Variants in CSMD1 observed in about 807,000 individuals in gnomAD.
CSMD1 encodes CUB and sushi domain-containing protein 1.
In CSMD1, 213 loss-of-function variants were observed where a neutral mutation model predicts 417.5. That is an observed-to-expected ratio of 0.51 (90% CI 0.46 to 0.57). The LOEUF (loss-of-function observed/expected upper bound fraction) is 0.57, where lower values mean the gene tolerates loss of function less well. CSMD1 is among the 20% of genes least tolerant of loss of function. CSMD1 has a pLI of 0.00. For synonymous variants in CSMD1, 2,862 were observed against 1,736.8 expected, an observed-to-expected ratio of 1.65 and a Z score of -16.11; for missense variants, 6,923 against 4,529.7, an observed-to-expected ratio of 1.53 and a Z score of -15.17.
intron 10 of CSMD1, among the ~76,000 whole-genome samples, chr8:3,567,526 T>C (rs903023042): frequency 2.0e-5 from 1 of 48,944 alleles, no homozygotes; most frequent in Non-Finnish European, 3.9e-5. Flanking sequence ...GGGAAGGGGA[T>C]GGGGGAGGGG....
intron 12 of CSMD1, among the ~76,000 whole-genome samples, chr8:3,419,885 A>G (rs1813380177): frequency 6.6e-6 from 1 of 152,196 alleles, no homozygotes; most frequent in Non-Finnish European, 1.5e-5. Context: ...GACTCTTGGA[A>G]TAGATCCTGT....
intron 3 of CSMD1, among the ~76,000 whole-genome samples, chr8:4,413,538 C>T (rs1425462223): frequency 6.6e-6 from 1 of 152,110 alleles, no homozygotes; most frequent in African/African-American, 2.4e-5. Context: ...TGTTCATGTA[C>T]TGACAGCACT....
chr8:4,715,675 C>G (rs146254866), intron 1 of CSMD1, among the ~76,000 whole-genome samples: 18 of 152,278 alleles, frequency 1.2e-4, no homozygotes, highest in Admixed American at 1.2e-3. Flanking sequence ...TTAATTTTGG[C>G]AACTGTTCCC....
intron 5 of CSMD1, among the ~76,000 whole-genome samples, chr8:3,979,897 G>T (rs1450630960): frequency 2.6e-5 from 4 of 152,158 alleles, no homozygotes; most frequent in Non-Finnish European, 4.4e-5. Context: ...TTTGTAAACT[G>T]AAAGGCATAC....
intron 15 of CSMD1, among the ~76,000 whole-genome samples, chr8:3,399,994 A>G (rs1811939816): frequency 6.6e-6 from 1 of 152,218 alleles, no homozygotes; most frequent in South Asian, 2.1e-4. Context: ...TTATTAAAAT[A>G]AATAGCCACA....
At chr8:3,100,324 C>A (rs1815641249) in intron 46 of CSMD1, among the ~76,000 whole-genome samples, 1 of 152,178 alleles carries the variant, frequency 6.6e-6, no homozygotes, top group African/African-American at 2.4e-5. Flanking sequence ...CCATGCTCGG[C>A]CTAAGAAGCA....
At chr8:4,486,979 G>A (rs1377396662) in intron 2 of CSMD1, among the ~76,000 whole-genome samples, 4 of 152,134 alleles carry the variant, frequency 2.6e-5, no homozygotes, top group Non-Finnish European at 5.9e-5. Flanking sequence ...CACAGCTGAC[G>A]GCTACACACG....
chr8:4,839,911 G>A (rs1487168784), intron 1 of CSMD1, among the ~76,000 whole-genome samples: 6 of 152,096 alleles, frequency 3.9e-5, no homozygotes, highest in Admixed American at 1.3e-4. Flanking sequence ...CCTCCTGCGC[G>A]TCTCCTCAAT....
intron 43 of CSMD1, 78 bp from the exon 44 acceptor site, chr8:3,108,826 T>A: frequency 7.3e-7 from 1 of 1,370,612 alleles, no homozygotes; most frequent in East Asian, 2.5e-5. Context: ...GGCTAATGAA[T>A]TAATTTTTTT....
At chr8:4,317,345 T>C (rs1184113794) in intron 3 of CSMD1, among the ~76,000 whole-genome samples, 1 of 152,196 alleles carries the variant, frequency 6.6e-6, no homozygotes, top group Non-Finnish European at 1.5e-5. Flanking sequence ...GAAATTAGAC[T>C]CCCACGTCTG....
chr8:4,463,354 C>A (rs772602089), intron 2 of CSMD1, among the ~76,000 whole-genome samples: 1 of 152,136 alleles, frequency 6.6e-6, no homozygotes, highest in Non-Finnish European at 1.5e-5. Context: ...AATGGTGCGT[C>A]TATTTTGTAA....
chr8:4,847,136 C>T (rs951275056), intron 1 of CSMD1, among the ~76,000 whole-genome samples: 4 of 152,150 alleles, frequency 2.6e-5, no homozygotes, highest in African/African-American at 9.7e-5. Flanking sequence ...ACAGATACTT[C>T]TTTGTTTCTG....
intron 41 of CSMD1, among the ~76,000 whole-genome samples, chr8:3,131,073 G>C (rs900125871): frequency 6.6e-6 from 1 of 152,082 alleles, no homozygotes; most frequent in Admixed American, 6.6e-5. Flanking sequence ...AGTCTAATAA[G>C]TTTCTCAAAC....
At chr8:3,921,887 T>C (rs1014685988) in intron 5 of CSMD1, among the ~76,000 whole-genome samples, 1 of 152,160 alleles carries the variant, frequency 6.6e-6, no homozygotes, top group African/African-American at 2.4e-5. Context: ...TCTGCATGTG[T>C]CTGTTAGGTC....
intron 3 of CSMD1, among the ~76,000 whole-genome samples, chr8:4,166,806 T>A (rs1183784025): frequency 6.6e-6 from 1 of 152,232 alleles, no homozygotes; most frequent in African/African-American, 2.4e-5. Flanking sequence ...GTGTGTTTAA[T>A]GAGACAATAT....
intron 2 of CSMD1, among the ~76,000 whole-genome samples, chr8:4,467,136 A>AAG (rs1451188774): frequency 1.3e-4 from 19 of 149,938 alleles, no homozygotes; most frequent in East Asian, 5.8e-4. Context: ...AAAAAAAAAA[A>AAG]AAAAGAAAAA....
chr8:4,949,719 A>G (rs1173554744), intron 1 of CSMD1, among the ~76,000 whole-genome samples: 2 of 152,228 alleles, frequency 1.3e-5, no homozygotes, highest in Non-Finnish European at 2.9e-5. Flanking sequence ...CATTTGGGTT[A>G]CAGTTTTCTA....
At chr8:3,696,427 C>T (rs1800557114) in intron 7 of CSMD1, among the ~76,000 whole-genome samples, 2 of 152,204 alleles carry the variant, frequency 1.3e-5, no homozygotes, top group Non-Finnish European at 2.9e-5. Context: ...CTGACATAAG[C>T]TACCATGGAC....
At chr8:2,951,634 C>A (rs982145283) in intron 65 of CSMD1, among the ~76,000 whole-genome samples, 1 of 152,096 alleles carries the variant, frequency 6.6e-6, no homozygotes, top group Non-Finnish European at 1.5e-5. Context: ...GTTTACCTGA[C>A]CCATGAAATC....
Sources: allele counts gnomAD v4.1 joint callset (sites outside exome capture counted in the v4.1 genomes callset), GRCh38; gene constraint gnomAD v4.1.1; transcripts MANE v1.5; gene names NCBI Gene and HGNC (gene_info 2026-07-23, HGNC 2026-07-21).